Variants in NBEA observed in about 807,000 individuals in gnomAD.
The protein encoded by NBEA is neurobeachin.
A neutral mutation model predicts 343.4 loss-of-function variants in NBEA; 44 were observed. The ratio of observed to expected loss-of-function variants is 0.13; its 90% CI spans 0.10 to 0.16. The LOEUF (loss-of-function observed/expected upper bound fraction) is 0.16, where lower values mean the gene tolerates loss of function less well. NBEA is among the 10% of genes least tolerant of loss of function. The probability of loss-of-function intolerance (pLI) is 1.00; values close to 1 mark genes in which losing one functional copy is unlikely to be tolerated. For missense variants in NBEA, 2,555 were observed against 3,631.3 expected (o/e 0.70, Z 7.62); for synonymous variants, 1,175 against 1,238.7 (o/e 0.95, Z 1.08).
rs35084079 is a variant in NBEA at position 35,107,376 on chromosome 13, G to T, written c.1681-1914G>T. On this transcript the variant is annotated intron_variant, in intron 11 of 58. Coordinates refer to ENST00000379939, the MANE Select transcript of NBEA (RefSeq NM_001385012.1). ...TGTACTAAGGTTTGGTTTGAATTTT[G>T]TAGGCTATTGCTTATGTAGTAAGCA... Among the ~76,000 whole-genome samples, 253 of 151,060 alleles carry T rather than the reference G, an allele frequency of 1.7e-3. 1 individual carries two copies. Among genetic ancestry groups the T allele is most frequent in the Non-Finnish European group, 3.2e-3 (214 of 67,694 alleles).
intron 1 of NBEA, among the ~76,000 whole-genome samples, chr13:35,018,479 T>C (rs967629442): frequency 6.6e-6 from 1 of 152,202 alleles, no homozygotes; most frequent in Non-Finnish European, 1.5e-5. Flanking sequence ...CTTACTACTT[T>C]GTATCTCATC....
chr13:35,016,180 G>T (rs1178583777), intron 1 of NBEA, among the ~76,000 whole-genome samples: 2 of 152,084 alleles, frequency 1.3e-5, no homozygotes, highest in South Asian at 4.2e-4. Context: ...TGATGTGATT[G>T]AGTTTATTTC....
chr13:35,126,085 T>C (rs2067118136), intron 17 of NBEA, among the ~76,000 whole-genome samples: 1 of 152,172 alleles, frequency 6.6e-6, no homozygotes, highest in African/African-American at 2.4e-5. Flanking sequence ...TCCTCACCTG[T>C]AAAGGGTGGG....
At chr13:35,005,639 A>C (rs1311773045) in intron 1 of NBEA, among the ~76,000 whole-genome samples, 2 of 152,162 alleles carry the variant, frequency 1.3e-5, no homozygotes, top group Admixed American at 6.5e-5. Context: ...AGAAGACAGA[A>C]AGTGAAACAG....
intron 38 of NBEA, among the ~76,000 whole-genome samples, chr13:35,425,548 A>G (rs1011066617): frequency 1.4e-4 from 22 of 152,170 alleles, no homozygotes; most frequent in African/African-American, 5.1e-4. Context: ...ACATTTGCTG[A>G]GGAGTGCTTT....
At chr13:35,142,659 C>A (rs1427482174) in intron 18 of NBEA, among the ~76,000 whole-genome samples, 1 of 152,098 alleles carries the variant, frequency 6.6e-6, no homozygotes, top group African/African-American at 2.4e-5. Context: ...TAAACTACAT[C>A]CGTTATGTAG....
intron 41 of NBEA, among the ~76,000 whole-genome samples, chr13:35,528,711 C>T (rs1031609351): frequency 1.3e-5 from 2 of 152,096 alleles, no homozygotes; most frequent in African/African-American, 4.8e-5. Flanking sequence ...AATCATTATA[C>T]ACTAGAAATA....
intron 34 of NBEA, among the ~76,000 whole-genome samples, chr13:35,280,662 C>T (rs1193458605): frequency 6.6e-6 from 1 of 152,064 alleles, no homozygotes; most frequent in Non-Finnish European, 1.5e-5. Flanking sequence ...GCAGATGGAA[C>T]ATAACTGTTT....
At chr13:35,654,795 A>G in intron 53 of NBEA, 60 bp from the exon 54 acceptor site, 1 of 1,376,900 alleles carries the variant, frequency 7.3e-7, no homozygotes, top group Non-Finnish European at 9.8e-7. Context: ...TCCTTCTTTG[A>G]GTGCTTGGCA....
chr13:35,487,624 G>A (rs1231401497), intron 41 of NBEA, among the ~76,000 whole-genome samples: 1 of 151,730 alleles, frequency 6.6e-6, no homozygotes, highest in Non-Finnish European at 1.5e-5. Context: ...TACCTACTCA[G>A]ATAGTTAATT....
At chr13:35,379,262 G>A (rs1021089827) in intron 38 of NBEA, among the ~76,000 whole-genome samples, 5 of 152,046 alleles carry the variant, frequency 3.3e-5, no homozygotes, top group African/African-American at 1.2e-4. Flanking sequence ...ATTTAGGTGG[G>A]AGTATGATGT....
intron 17 of NBEA, among the ~76,000 whole-genome samples, chr13:35,140,009 T>C (rs1223269510): frequency 6.6e-6 from 1 of 152,012 alleles, no homozygotes. Flanking sequence ...AAATTTCAGA[T>C]AGCCTACTTA....
At chr13:35,199,113 T>C (rs1020043937) in intron 31 of NBEA, among the ~76,000 whole-genome samples, 3 of 152,114 alleles carry the variant, frequency 2.0e-5, no homozygotes, top group Non-Finnish European at 4.4e-5. Flanking sequence ...CTTCAAACTC[T>C]GAAGCTTTGA....
At chr13:35,188,911 T>G (rs905851150) in intron 30 of NBEA, among the ~76,000 whole-genome samples, 7 of 142,146 alleles carry the variant, frequency 4.9e-5, no homozygotes, top group Non-Finnish European at 8.1e-5. Context: ...TTTTTGTTTT[T>G]TTTTTTTTTT....
chr13:35,090,490 G>A (rs1454245914), intron 10 of NBEA, among the ~76,000 whole-genome samples: 1 of 151,946 alleles, frequency 6.6e-6, no homozygotes, highest in Non-Finnish European at 1.5e-5. Flanking sequence ...TTAATGGGTT[G>A]CAATGGTTCT....
chr13:35,135,839 C>T (rs1269253080), intron 17 of NBEA, among the ~76,000 whole-genome samples: 1 of 151,738 alleles, frequency 6.6e-6, no homozygotes, highest in Admixed American at 6.6e-5. Context: ...CAATAATTGG[C>T]AGTGGGAAAT....
intron 34 of NBEA, among the ~76,000 whole-genome samples, chr13:35,270,352 C>G (rs529704096): frequency 6.6e-6 from 1 of 152,282 alleles, no homozygotes; most frequent in East Asian, 1.9e-4. Flanking sequence ...AGAATGGTTA[C>G]AGACCACTTT....
At chr13:35,612,130 AT>A (rs1168450682) in intron 48 of NBEA, among the ~76,000 whole-genome samples, 55 of 147,896 alleles carry the variant, frequency 3.7e-4, no homozygotes, top group East Asian at 6.0e-4. Flanking sequence ...TCATTACAAT[AT>A]TTTTTTTTCT....
chr13:35,221,107 AG>A (rs2074340009), intron 33 of NBEA, among the ~76,000 whole-genome samples: 1 of 152,074 alleles, frequency 6.6e-6, no homozygotes, highest in African/African-American at 2.4e-5. Flanking sequence ...GCATTTTGGG[AG>A]GCCGAGGTGG....
Sources: gnomAD v4.1 joint callset for allele counts (sites outside exome capture counted in the v4.1 genomes callset) on GRCh38, gnomAD v4.1.1 for gene constraint, MANE v1.5 for transcripts, NCBI Gene and HGNC (gene_info 2026-07-23, HGNC 2026-07-21) for gene names.